The following LZIC variants were observed in gnomAD, a reference collection of about 807,000 sequenced individuals.
LZIC encodes leucine zipper and CTNNBIP1 domain containing.
LZIC carries 28 observed loss-of-function variants against 25.4 expected under a neutral mutation model. The observed-to-expected ratio is 1.10, with a 90% CI of 0.82 to 1.51. The LOEUF (loss-of-function observed/expected upper bound fraction) is 1.51. LZIC is among the 40% of genes most tolerant of loss of function. The probability of loss-of-function intolerance (pLI) is 0.00; values close to 1 mark genes in which losing one functional copy is unlikely to be tolerated. For missense variants in LZIC, 170 were observed against 211.1 expected, an observed-to-expected ratio of 0.81 and a Z score of 1.21; for synonymous variants, 65 against 70.7, an observed-to-expected ratio of 0.92 and a Z score of 0.40.
rs1029050187 is a variant in LZIC at position 9,928,040 on chromosome 1, G to A, written c.*2359C>T. On this transcript the variant is annotated 3_prime_UTR_variant, in exon 8 of 8. Coordinates refer to ENST00000377223, the MANE Select transcript of LZIC (RefSeq NM_032368.5). ...GGGTGTGGTGGCTCAGGCCGGGTAT[G>A]GTGGCTCATGCCTGTAATCATCCCA... is the stretch of plus-strand genomic sequence containing the variant. 6.6e-6 allele frequency among the ~76,000 whole-genome samples: 1 copy of A among 152,070 alleles called. No individual in the cohort carries two copies. The highest frequency in any genetic ancestry group is 2.4e-5 in the African/African-American group (1 of 41,434).
chr1:9,933,254 C>CA (rs60791463), intron 5 of LZIC, among the ~76,000 whole-genome samples: 23 of 43,388 alleles, frequency 5.3e-4, no homozygotes, highest in Non-Finnish European at 6.4e-4. Context: ...GACTCCACCA[C>CA]AAAAAAAAAA....
intron 5 of LZIC, among the ~76,000 whole-genome samples, chr1:9,933,254 CAA>C (rs60791463): frequency 5.3e-3 from 228 of 43,254 alleles, no homozygotes; most frequent in African/African-American, 8.3e-3. Flanking sequence ...GACTCCACCA[CAA>C]AAAAAAAAAA....
chr1:9,940,668 T>G (rs187322487), intron 2 of LZIC, among the ~76,000 whole-genome samples: 1 of 152,208 alleles, frequency 6.6e-6, no homozygotes, highest in African/African-American at 2.4e-5. Context: ...ACCAGATGAT[T>G]TGACATGTGT....
intron 3 of LZIC, 135 bp from the exon 4 acceptor site, chr1:9,935,762 A>G: frequency 1.3e-6 from 1 of 769,766 alleles, no homozygotes; most frequent in Non-Finnish European, 2.0e-6. Context: ...ACATAGTAGT[A>G]GTGAGGGCAT....
At position 9,929,021 on chromosome 1, in the gene LZIC, T is replaced by C. The variant is rs1640105435; in HGVS notation, c.*1378A>G. The C allele has an allele frequency of 1.3e-5, 2 of 152,134 alleles. No homozygotes were observed. Among genetic ancestry groups the C allele is most frequent in the South Asian group, 4.2e-4 (2 of 4,800 alleles). The allele number at this position is 152,134 out of a possible 1,614,324, so 9.4% of individuals were successfully genotyped here. ...GCAGATTAGTGGCTATTGTTAGCAG[T>C]CGGAGGAGAAGGGAATGGGGACTAA... On this transcript the variant is annotated 3_prime_UTR_variant, in exon 8 of 8. Transcript: ENST00000377223.
At chr1:9,930,497 A>G (rs1557434780) in intron 7 of LZIC, 40 bp from the exon 8 acceptor site, 3 of 1,608,200 alleles carry the variant, frequency 1.9e-6, no homozygotes, top group Non-Finnish European at 1.7e-6. Context: ...AGATTATTTC[A>G]AGTGCAGTTG....
chr1:9,936,877 A>C (rs1006284834), intron 2 of LZIC, among the ~76,000 whole-genome samples: 1 of 152,204 alleles, frequency 6.6e-6, no homozygotes, highest in Non-Finnish European at 1.5e-5. Context: ...CAGGCCTGTA[A>C]TCCCAGCACT....
rs766108818 is a variant in LZIC at position 9,936,616 on chromosome 1, C to A, written c.4G>T (p.Ala2Ser). MASRGKTETSKL... is the reference protein window; with the variant it reads MSSRGKTETSKL... ...CTTGTCTCTGTCTTTCCTCTGGAAG[C>A]CATTTTAATCTCTATGTGAAACAAT... Residue 2 changes from alanine (A) to serine (S), a missense_variant, in exon 3 of 8, where the codon GCT becomes TCT. Transcript: ENST00000377223. 5 of 1,606,272 alleles carry A rather than the reference C, an allele frequency of 3.1e-6. No individual in the cohort carries two copies. Among genetic ancestry groups the A allele is most frequent in the Non-Finnish European group, 2.6e-6 (3 of 1,173,694 alleles).
At position 9,927,708 on chromosome 1, in the gene LZIC, G is replaced by A. The variant is rs1211848008; in HGVS notation, c.*2691C>T. Among the ~76,000 whole-genome samples, 2 of 121,678 alleles carry A rather than the reference G, an allele frequency of 1.6e-5. No homozygotes were observed. Among genetic ancestry groups the A allele is most frequent in the Admixed American group, 1.1e-4 (1 of 9,358 alleles). 79.8% of individuals were successfully genotyped at this position (121,678 alleles called of 152,430 possible). Reference sequence around the variant, plus strand: ...TTTTTTTTTTTTTTTTTTTGAGACCGTGTCTCAGTCTGTCGCCCAGGCTGG... The same window carrying A: ...TTTTTTTTTTTTTTTTTTTGAGACCATGTCTCAGTCTGTCGCCCAGGCTGG... On this transcript the variant is annotated 3_prime_UTR_variant, in exon 8 of 8. Coordinates refer to ENST00000377223, the MANE Select transcript of LZIC (RefSeq NM_032368.5).
chr1:9,936,319 T>G (rs922722196), intron 3 of LZIC, among the ~76,000 whole-genome samples, 200 bp downstream of exon 3: 3 of 152,138 alleles, frequency 2.0e-5, no homozygotes, highest in African/African-American at 7.2e-5. Context: ...TCACATGCAC[T>G]TAGTAGTTAA....
intron 2 of LZIC, 80 bp from the exon 3 acceptor site, chr1:9,936,707 A>G (rs1193285198): frequency 3.3e-6 from 3 of 903,076 alleles, no homozygotes; most frequent in East Asian, 2.4e-5. Context: ...TTTTGTAGAG[A>G]CAGAGTCTCA....
Position 9,930,337 on chromosome 1 carries a change from C to A in LZIC, c.*62G>T. 6.3e-7 allele frequency: 1 copy of A among 1,588,048 alleles called. No individual in the cohort carries two copies. ...TCATTTCTTTGCAATAACTGAAAAC[C>A]CCAGAAGAAAGACACCATTTACATT... is the stretch of plus-strand genomic sequence containing the variant. On this transcript the variant is annotated 3_prime_UTR_variant, in exon 8 of 8. Coordinates refer to ENST00000377223, the MANE Select transcript of LZIC (RefSeq NM_032368.5).
At chr1:9,939,082 A>G (rs1416491702) in intron 2 of LZIC, among the ~76,000 whole-genome samples, 2 of 151,460 alleles carry the variant, frequency 1.3e-5, no homozygotes, top group Admixed American at 6.6e-5. Flanking sequence ...CTAAGGAATC[A>G]CTTCTTTTTT....
chr1:9,933,107 T>G (rs536153074), intron 5 of LZIC, among the ~76,000 whole-genome samples: 2 of 151,188 alleles, frequency 1.3e-5, no homozygotes, highest in African/African-American at 4.8e-5. Flanking sequence ...ACAAAAAAAG[T>G]AGCCAGGCAT....
chr1:9,932,046 CT>C, intron 6 of LZIC, 74 bp from the exon 7 acceptor site: 1 of 1,016,686 alleles, frequency 9.8e-7, no homozygotes, highest in Non-Finnish European at 1.4e-6. Flanking sequence ...GTAAGAATGT[CT>C]TAGGAGGCTG....
chr1:9,941,393 C>T (rs1640724219), intron 2 of LZIC, among the ~76,000 whole-genome samples: 1 of 151,982 alleles, frequency 6.6e-6, no homozygotes, highest in South Asian at 2.1e-4. Flanking sequence ...TGAGGTTTCA[C>T]CATGTTGGCC....
At chr1:9,931,220 C>G (rs951632117) in intron 7 of LZIC, among the ~76,000 whole-genome samples, 6 of 151,810 alleles carry the variant, frequency 4.0e-5, no homozygotes, top group Admixed American at 3.3e-4. Flanking sequence ...GTGCATGCCA[C>G]CACACCTAGC....
rs550002629 is a variant in LZIC at position 9,932,101 on chromosome 1, TG to T, written c.433-130del. ...TGTAATCCCTGCACTTTGGGAGGCG[TG>T]GGGGGGGGGGGGGGGTGGATCACAT... On this transcript the variant is annotated intron_variant, in intron 6 of 7. Coordinates refer to ENST00000377223, the MANE Select transcript of LZIC (RefSeq NM_032368.5). The T allele has an allele frequency of 4.4e-3, 814 of 186,294 alleles. 20 individuals carry two copies. Among genetic ancestry groups the T allele is most frequent in the East Asian group, 9.1e-3 (43 of 4,736 alleles). The allele number at this position is 186,294 out of a possible 1,614,324, so 11.5% of individuals were successfully genotyped here.
In LZIC at chr1:9,942,683, C is replaced by T. The variant is rs1435875694; in HGVS notation, c.-68G>A. On this transcript the variant is annotated 5_prime_UTR_variant, in exon 2 of 8. Coordinates refer to ENST00000377223, the MANE Select transcript of LZIC (RefSeq NM_032368.5). ...GACCGGTCTCAAATTGCACAAACCT[C>T]CAGTTCTTGACGTTCCGAGTGTCAT... 7.8e-7 allele frequency: 1 copy of T among 1,289,220 alleles called. No individual in the cohort carries two copies. Among genetic ancestry groups the T allele is most frequent in the South Asian group, 1.2e-5 (1 of 81,034 alleles). 79.9% of individuals were successfully genotyped at this position (1,289,220 alleles called of 1,614,324 possible).
Sources: gnomAD v4.1 joint callset for allele counts (sites outside exome capture counted in the v4.1 genomes callset) on GRCh38, gnomAD v4.1.1 for gene constraint, MANE v1.5 for transcripts, NCBI Gene and HGNC (gene_info 2026-07-23, HGNC 2026-07-21) for gene names.